The following PDCD2 variants were observed in gnomAD, a reference collection of about 807,000 sequenced individuals.
PDCD2 encodes the protein uS5 assembly chaperone PDCD2.
PDCD2 carries 38 observed loss-of-function variants against 38.1 expected under a neutral mutation model. The ratio of observed to expected loss-of-function variants is 1.00; its 90% CI spans 0.77 to 1.31. The LOEUF (loss-of-function observed/expected upper bound fraction) is 1.31, where lower values mean the gene tolerates loss of function less well. Ranked by LOEUF, PDCD2 falls within the 50% of genes most tolerant of loss-of-function variation. PDCD2 has a pLI of 0.00. For missense variants in PDCD2, 473 were observed against 435.7 expected (o/e 1.09, Z -0.76); for synonymous variants, 205 against 168.9 (o/e 1.21, Z -1.66).
chr6:170,584,441 C>A lies in PDCD2; in HGVS notation c.141G>T (p.Gln47His). 1 of 1,339,566 alleles carries A rather than the reference C, an allele frequency of 7.5e-7. No individual in the cohort carries two copies. The allele number at this position is 1,339,566 out of a possible 1,614,324, so 83.0% of individuals were successfully genotyped here. Reference sequence around the variant, plus strand: ...GGCCGCACAGCTCGCAGGCCAGGGCCTGGGGCCCCGGCAGCCCGGCCGCGC... The same window carrying A: ...GGCCGCACAGCTCGCAGGCCAGGGCATGGGGCCCCGGCAGCCCGGCCGCGC... The part of the protein sequence containing the change: ...WLGAAGLPGP[Q>H]ALACELCGRP... The change falls in exon 1 of 6, where the codon CAG becomes CAT. Residue 47 changes from glutamine (Q) to histidine (H), a missense_variant. Gln to His is a conservative substitution (Grantham distance 24, BLOSUM62 0). Transcript: ENST00000541970.
intron 3 of PDCD2, chr6:170,581,252 C>G (rs916354926): frequency 7.9e-5 from 12 of 152,182 alleles, no homozygotes; most frequent in Non-Finnish European, 1.6e-4. Context: ...GTAAATTCCA[C>G]ACATATCACT....
chr6:170,583,501 C>T lies in PDCD2; in HGVS notation c.526+4G>A. ...AACTGAGACTTAAAAAAAAGATTAC[C>T]CACCTGGTTGTGCACAAGCCTGCTT... On this transcript the variant is annotated splice_donor_region_variant and intron_variant, in intron 2 of 5. Coordinates refer to ENST00000541970, the MANE Select transcript of PDCD2 (RefSeq NM_002598.4). 1.9e-6 allele frequency: 3 copies of T among 1,598,830 alleles called. No individual in the cohort carries two copies. The highest frequency in any genetic ancestry group is 2.6e-6 in the Non-Finnish European group (3 of 1,169,146).
At position 170,583,650 on chromosome 6, in the gene PDCD2, C is replaced by T; in HGVS notation, c.381G>A (p.Gln127=). The change falls in exon 2 of 6, where the codon CAG becomes CAA. Residue 127 remains glutamine, a synonymous_variant. Coordinates refer to ENST00000541970, the MANE Select transcript of PDCD2 (RefSeq NM_002598.4). ...PPETGESVCL[Q]LKSGAHLCRV... ...TGCAGAGATGAGCACCAGACTTAAG[C>T]TGGAGACACACTGATTCTCCTGTTT... 2 of 1,614,116 alleles carry T rather than the reference C, an allele frequency of 1.2e-6. No individual in the cohort carries two copies. The highest frequency in any genetic ancestry group is 1.7e-6 in the Non-Finnish European group (2 of 1,179,988).
chr6:170,578,598 G>A, intron 5 of PDCD2: 1 of 702,842 alleles, frequency 1.4e-6, no homozygotes, highest in Non-Finnish European at 2.6e-6. Flanking sequence ...ACTGGAGGTG[G>A]AGAGCAGTGT....
At position 170,577,540 on chromosome 6, in the gene PDCD2, T is replaced by C; in HGVS notation, c.*19A>G. On this transcript the variant is annotated 3_prime_UTR_variant, in exon 6 of 6. Transcript: ENST00000541970. ...AGGTATAAAAGATTATTAACATTTT[T>C]CAAGGCTTTAAGATGCCTTTACGGT... The C allele has an allele frequency of 6.2e-7, 1 of 1,604,576 alleles. No individual in the cohort carries two copies.
Position 170,583,175 on chromosome 6 carries a change from A to G in PDCD2, c.540T>C (p.His180=), listed in dbSNP as rs759350919. The change falls in exon 3 of 6, where the codon CAT becomes CAC. Residue 180 remains histidine, a synonymous_variant. Transcript: ENST00000541970. ...QACAQPDHLD[H]IIPDHNFLFP... Reference sequence around the variant, plus strand: ...AAAGGAAGTTGTGGTCTGGAATTATATGGTCCAGATGATCTGAAACAAAAA... The same window carrying G: ...AAAGGAAGTTGTGGTCTGGAATTATGTGGTCCAGATGATCTGAAACAAAAA... The G allele has an allele frequency of 1.9e-6, 3 of 1,599,640 alleles. No homozygotes were observed. Among genetic ancestry groups the G allele is most frequent in the Non-Finnish European group, 2.6e-6 (3 of 1,172,048 alleles).
chr6:170,580,155 T>C (rs369893745), intron 3 of PDCD2, 50 bp from the exon 4 acceptor site: 10 of 1,118,100 alleles, frequency 8.9e-6, no homozygotes, highest in African/African-American at 7.7e-5. Context: ...TCCCCACAAC[T>C]TGACAATTCA....
chr6:170,578,589 C>A, intron 5 of PDCD2: 1 of 702,366 alleles, frequency 1.4e-6, no homozygotes, highest in African/African-American at 1.7e-5. Context: ...CATAACCACA[C>A]TGGAGGTGGA....
rs760914642 is a variant in PDCD2 at position 170,584,327 on chromosome 6, G to T, written c.255C>A (p.Arg85=). ...FHRCIFLFCC[R]EQPCCAGLRV... is the part of the protein sequence containing the mutation. Reference sequence around the variant, plus strand: ...GCAGGCCGGCACAGCACGGCTGCTCGCGGCAGCAGAAGAGGAAGATGCAGC... The same window carrying T: ...GCAGGCCGGCACAGCACGGCTGCTCTCGGCAGCAGAAGAGGAAGATGCAGC... Residue 85 remains arginine, a synonymous_variant, in exon 1 of 6, where the codon CGC becomes CGA. Transcript: ENST00000541970. The T allele has an allele frequency of 1.3e-6, 2 of 1,499,146 alleles. No individual in the cohort carries two copies. The allele number at this position is 1,499,146 out of a possible 1,614,324, so 92.9% of individuals were successfully genotyped here.
chr6:170,582,880 T>C lies in PDCD2; in HGVS notation c.658+177A>G, dbSNP rs1368282720. On this transcript the variant is annotated intron_variant, in intron 3 of 5. Coordinates refer to ENST00000541970, the MANE Select transcript of PDCD2 (RefSeq NM_002598.4). ...TACAGGGAGCAGAACACACCTCTTA[T>C]GTGTCAGAAAACAAAGTCCAGGAAG... 2.5e-5 allele frequency: 35 copies of C among 1,422,848 alleles called. No individual in the cohort carries two copies. In the South Asian group the frequency reaches 5.6e-4, roughly 23 times the overall value. 88.1% of individuals were successfully genotyped at this position (1,422,848 alleles called of 1,614,324 possible).
At position 170,577,089 on chromosome 6, in the gene PDCD2, C is replaced by G. The variant is rs1251692693; in HGVS notation, c.*470G>C. On this transcript the variant is annotated 3_prime_UTR_variant, in exon 6 of 6. Coordinates refer to ENST00000541970, the MANE Select transcript of PDCD2 (RefSeq NM_002598.4). ...CTAAGTATTTTTGTGTTTTAAAAACCTAGGGTGGGAAATGCTCAGAGTGAG... is the reference window on the plus strand; with the variant it reads ...CTAAGTATTTTTGTGTTTTAAAAACGTAGGGTGGGAAATGCTCAGAGTGAG... 6.5e-6 allele frequency: 1 copy of G among 152,760 alleles called. No homozygotes were observed. The highest frequency in any genetic ancestry group is 1.5e-5 in the Non-Finnish European group (1 of 68,504). 9.5% of individuals were successfully genotyped at this position (152,760 alleles called of 1,614,324 possible). A position where few individuals can be genotyped will look rare whatever the true frequency, so the allele number is the denominator to read the frequency against.
At chr6:170,583,011 G>T in intron 3 of PDCD2, 46 bp downstream of exon 3, 1 of 1,586,770 alleles carries the variant, frequency 6.3e-7, no homozygotes. Context: ...TTTCTTCCAA[G>T]TATTATGTTT....
intron 3 of PDCD2, chr6:170,581,355 AGAT>A (rs1297255617): frequency 3.3e-5 from 5 of 152,080 alleles, no homozygotes; most frequent in African/African-American, 4.8e-5. Flanking sequence ...TATCCTATAA[AGAT>A]GATTACTGAG....
At chr6:170,584,222 C>T in intron 1 of PDCD2, 77 bp downstream of exon 1, 1 of 1,292,050 alleles carries the variant, frequency 7.7e-7, no homozygotes, top group East Asian at 3.0e-5. Flanking sequence ...TGCCGCCGTC[C>T]CCCTGGTCGC....
intron 2 of PDCD2, 71 bp downstream of exon 2, chr6:170,583,434 G>A: frequency 1.3e-6 from 2 of 1,503,906 alleles, no homozygotes; most frequent in African/African-American, 1.4e-5. Context: ...TACCTTTAAA[G>A]TTGTCCTGGA....
intron 2 of PDCD2, 117 bp from the exon 3 acceptor site, chr6:170,583,305 T>A: frequency 1.1e-6 from 1 of 921,020 alleles, no homozygotes; most frequent in Non-Finnish European, 1.6e-6. Flanking sequence ...TAAAGGGTCA[T>A]AAATTAAATG....
At chr6:170,582,649 G>T (rs558789090) in intron 3 of PDCD2, 1 of 1,214,154 alleles carries the variant, frequency 8.2e-7, no homozygotes, top group Non-Finnish European at 1.0e-6. Context: ...AGTATGCACT[G>T]TAAGTAAACT....
chr6:170,581,262 T>C (rs1267141070), intron 3 of PDCD2: 3 of 152,166 alleles, frequency 2.0e-5, no homozygotes, highest in African/African-American at 7.2e-5. Context: ...CACATATCAC[T>C]TCATTCATAA....
At chr6:170,584,254 C>G in intron 1 of PDCD2, 45 bp downstream of exon 1, 2 of 1,351,588 alleles carry the variant, frequency 1.5e-6, no homozygotes, top group Non-Finnish European at 1.9e-6. Context: ...ACGCCGCGCA[C>G]GCGTCGGAGG....
Sources: allele counts gnomAD v4.1 joint callset, GRCh38; gene constraint gnomAD v4.1.1; transcripts MANE v1.5; gene names NCBI Gene and HGNC (gene_info 2026-07-23, HGNC 2026-07-21).